Variants in PRKAR1A observed in about 807,000 individuals in gnomAD.
PRKAR1A encodes the protein cAMP-dependent protein kinase type I-alpha regulatory subunit.
In PRKAR1A, 3 loss-of-function variants were observed where a neutral mutation model predicts 52.0. The observed-to-expected ratio is 0.06, with a 90% CI of 0.03 to 0.15. PRKAR1A has a LOEUF of 0.15. Ranked by LOEUF, PRKAR1A falls within the 10% of genes least tolerant of loss-of-function variation. The pLI is 1.00. For missense variants in PRKAR1A, 240 were observed against 477.4 expected (o/e 0.50, Z 4.63); for synonymous variants, 188 against 168.4 (o/e 1.12, Z -0.90).
chr17:68,521,991 A>G (rs1341614936), intron 2 of PRKAR1A, among the ~76,000 whole-genome samples: 2 of 152,246 alleles, frequency 1.3e-5, no homozygotes, highest in East Asian at 1.9e-4. Context: ...AATTGGTCCA[A>G]TAAGTAGTTT....
Position 68,515,488 on chromosome 17 carries a change from T to C in PRKAR1A, c.89T>C (p.Leu30Pro). Residue 30 changes from leucine (L) to proline (P), a missense_variant, in exon 2 of 11, where the codon CTG becomes CCG. Coordinates refer to ENST00000589228, the MANE Select transcript of PRKAR1A (RefSeq NM_002734.5). Reference protein sequence around the residue: ...LYVQKHNIQALLKDSIVQLCT... With the variant: ...LYVQKHNIQAPLKDSIVQLCT... ...GTCCAGAAGCATAACATTCAAGCGC[T>C]GCTCAAAGATTCTATTGTGCAGTTG... The C allele has an allele frequency of 6.2e-7, 1 of 1,613,586 alleles. No homozygotes were observed. The highest frequency in any genetic ancestry group is 8.5e-7 in the Non-Finnish European group (1 of 1,180,050).
the PRKAR1A span, among the ~76,000 whole-genome samples, chr17:68,443,822 G>T: frequency 2.6e-5 from 4 of 152,300 alleles, no homozygotes; most frequent in East Asian, 1.9e-4. Context: ...TGTACAAGTT[G>T]TTCCAGTGTG....
chr17:68,476,648 A>G, the PRKAR1A span, among the ~76,000 whole-genome samples: 1 of 143,172 alleles, frequency 7.0e-6, no homozygotes, highest in Admixed American at 7.1e-5. Context: ...CCCTCCCTCC[A>G]TCCCTCCCTC....
the PRKAR1A span, among the ~76,000 whole-genome samples, chr17:68,440,212 T>G: frequency 2.6e-5 from 4 of 152,170 alleles, no homozygotes; most frequent in Admixed American, 1.3e-4. Flanking sequence ...CTTCCTACCC[T>G]TACAGACTTA....
the PRKAR1A span, chr17:68,422,039 G>A: frequency 1.7e-6 from 1 of 587,900 alleles, no homozygotes; most frequent in Non-Finnish European, 3.0e-6. Context: ...CTATAAAAAT[G>A]TCTCTGTGTG....
At chr17:68,421,821 C>G in the PRKAR1A span, 4 of 1,614,068 alleles carry the variant, frequency 2.5e-6, no homozygotes, top group African/African-American at 1.3e-5. Flanking sequence ...ACAAGATTAT[C>G]TACCAAAATC....
At chr17:68,539,680 G>A (rs1363067837) in intron 11 of PRKAR1A, among the ~76,000 whole-genome samples, 4 of 152,246 alleles carry the variant, frequency 2.6e-5, no homozygotes, top group East Asian at 1.9e-4. Flanking sequence ...GAGGGCACAC[G>A]AGTGCTCTCA....
chr17:68,437,366 C>G, the PRKAR1A span, among the ~76,000 whole-genome samples: 1 of 151,962 alleles, frequency 6.6e-6, no homozygotes, highest in Non-Finnish European at 1.5e-5. Context: ...ATCGGGCTGG[C>G]CAACATAGTG....
the PRKAR1A span, among the ~76,000 whole-genome samples, chr17:68,463,325 T>G: frequency 6.6e-6 from 1 of 152,160 alleles, no homozygotes; most frequent in South Asian, 2.1e-4. Context: ...TGTCTATAAA[T>G]GGAAAACACA....
At chr17:68,540,415 C>A in intron 11 of PRKAR1A, 1 of 457,624 alleles carries the variant, frequency 2.2e-6, no homozygotes, top group South Asian at 1.6e-5. Flanking sequence ...TGTATGACGG[C>A]CACCTTCATA....
chr17:68,466,637 C>T, the PRKAR1A span, among the ~76,000 whole-genome samples: 1 of 151,914 alleles, frequency 6.6e-6, no homozygotes, highest in Non-Finnish European at 1.5e-5. Flanking sequence ...CTCTCTATCT[C>T]CTGGCCTCAA....
chr17:68,434,706 T>G, the PRKAR1A span: 5 of 1,477,172 alleles, frequency 3.4e-6, no homozygotes, highest in Non-Finnish European at 4.6e-6. Flanking sequence ...GAGTTTGTTT[T>G]ATTGGTTTTG....
chr17:68,446,780 T>C, the PRKAR1A span, among the ~76,000 whole-genome samples: 1 of 152,164 alleles, frequency 6.6e-6, no homozygotes, highest in Non-Finnish European at 1.5e-5. Flanking sequence ...AGCATCTACA[T>C]CTAGCCCATC....
chr17:68,441,625 CT>C, the PRKAR1A span, among the ~76,000 whole-genome samples: 2 of 152,166 alleles, frequency 1.3e-5, no homozygotes, highest in African/African-American at 4.8e-5. Context: ...CAGCTCTGAC[CT>C]GTGCAAGGCT....
chr17:68,503,161 G>C, the PRKAR1A span, among the ~76,000 whole-genome samples: 1 of 152,182 alleles, frequency 6.6e-6, no homozygotes, highest in African/African-American at 2.4e-5. Flanking sequence ...TTAAAACAAG[G>C]AGGAACCACT....
At chr17:68,543,513 TAGAA>T (rs775336241) in intron 11 of PRKAR1A, 54 of 892,448 alleles carry the variant, frequency 6.1e-5, no homozygotes, top group African/African-American at 1.8e-4. Flanking sequence ...ACGAAGAAGA[TAGAA>T]AGCCAGAAGG....
the PRKAR1A span, chr17:68,420,548 C>T: frequency 6.9e-7 from 1 of 1,449,872 alleles, no homozygotes; most frequent in Middle Eastern, 1.8e-4. Flanking sequence ...TCTTTACAAA[C>T]ACACGCTTTA....
chr17:68,426,048 GC>G, the PRKAR1A span: 2 of 1,597,550 alleles, frequency 1.3e-6, no homozygotes, highest in Non-Finnish European at 1.7e-6. Context: ...AGACTGAGCC[GC>G]CCAGTTACGG....
At chr17:68,450,739 GC>G in the PRKAR1A span, 1 of 1,611,836 alleles carries the variant, frequency 6.2e-7, no homozygotes, top group Admixed American at 1.7e-5. Context: ...TGCCGGTTCA[GC>G]CTTATGGACA....
Sources: gnomAD v4.1 joint callset for allele counts (sites outside exome capture counted in the v4.1 genomes callset) on GRCh38, gnomAD v4.1.1 for gene constraint, MANE v1.5 for transcripts, NCBI Gene and HGNC (gene_info 2026-07-23, HGNC 2026-07-21) for gene names.